RGS7: variants seen among roughly 807,000 people sequenced by gnomAD.
The protein encoded by RGS7 is regulator of G protein signaling 7.
A neutral mutation model predicts 81.1 loss-of-function variants in RGS7; 27 were observed. The ratio of observed to expected loss-of-function variants is 0.33; its 90% CI spans 0.25 to 0.46. RGS7 has a LOEUF of 0.46. Among genes scored for constraint, RGS7 ranks in the 20% least tolerant of loss-of-function variants. RGS7 has a pLI of 1.00. For synonymous variants in RGS7, 208 were observed against 207.7 expected (o/e 1.00, Z -0.01); for missense variants, 396 against 607.4 (o/e 0.65, Z 3.66).
intron 2 of RGS7, among the ~76,000 whole-genome samples, chr1:241,265,786 C>CTT (rs577669455): frequency 6.6e-5 from 6 of 90,232 alleles, no homozygotes; most frequent in South Asian, 4.8e-4. Context: ...TTTCCTCGTC[C>CTT]TTTTTTTTTT....
At chr1:240,929,198 T>C (rs576365202) in intron 6 of RGS7, among the ~76,000 whole-genome samples, 1 of 152,300 alleles carries the variant, frequency 6.6e-6, no homozygotes, top group South Asian at 2.1e-4. Flanking sequence ...TGCCTGGGTT[T>C]TTCTCTATGA....
chr1:240,928,888 G>A (rs942356508), intron 6 of RGS7, among the ~76,000 whole-genome samples: 3 of 152,200 alleles, frequency 2.0e-5, no homozygotes, highest in African/African-American at 7.2e-5. Context: ...TGGGATTATA[G>A]GCGTGAACCA....
chr1:240,954,662 T>C (rs758768457), intron 4 of RGS7, among the ~76,000 whole-genome samples: 1 of 152,140 alleles, frequency 6.6e-6, no homozygotes, highest in African/African-American at 2.4e-5. Flanking sequence ...TGGTAGAAAC[T>C]GGACAGTTTC....
chr1:241,017,566 A>T (rs2059323654), intron 3 of RGS7, among the ~76,000 whole-genome samples: 1 of 149,742 alleles, frequency 6.7e-6, no homozygotes, highest in Non-Finnish European at 1.5e-5. Context: ...CCTTTGAAAC[A>T]TGTTAGCCAG....
In RGS7 at chr1:240,806,132, A is replaced by T; in HGVS notation, c.1269+8T>A. 1 of 1,612,400 alleles carries T rather than the reference A, an allele frequency of 6.2e-7. No homozygotes were observed. Among genetic ancestry groups the T allele is most frequent in the Non-Finnish European group, 8.5e-7 (1 of 1,178,950 alleles). On this transcript the variant is annotated splice_region_variant and intron_variant, in intron 15 of 18. Coordinates refer to ENST00000440928, the MANE Select transcript of RGS7 (RefSeq NM_001364886.1). ...ACGTTTGTGGTGTGAGGCTCACCGT[A>T]CACCCACCTGAGCATCTTCAAATGT...
intron 2 of RGS7, among the ~76,000 whole-genome samples, chr1:241,347,075 T>A (rs1193947192): frequency 6.6e-6 from 1 of 152,144 alleles, no homozygotes; most frequent in East Asian, 1.9e-4. Context: ...AGGAAAAAAT[T>A]TCTATGAAAC....
intron 2 of RGS7, among the ~76,000 whole-genome samples, chr1:241,272,391 G>T (rs1280414363): frequency 3.2e-4 from 48 of 152,144 alleles, no homozygotes; most frequent in Admixed American, 3.1e-3. Flanking sequence ...CCCCTCCCCA[G>T]CTTCCTGCTG....
intron 12 of RGS7, 141 bp downstream of exon 12, chr1:240,814,575 A>G: frequency 1.5e-6 from 1 of 650,670 alleles, no homozygotes; most frequent in African/African-American, 1.8e-5. Flanking sequence ...TCTATGTGCA[A>G]AAAGGAAAAC....
rs1467502972 is a variant in RGS7 at position 240,903,313 on chromosome 1, C to T, written c.385+27404G>A. ...CCATTAGCCACATGTGGCTACAGAG[C>T]ACTTGAAATGTGACTAGGAGATGAA... is the stretch of plus-strand genomic sequence containing the variant. On this transcript the variant is annotated intron_variant, in intron 6 of 18. Transcript: ENST00000440928. Among the ~76,000 whole-genome samples, 3 of 152,052 alleles carry T rather than the reference C, an allele frequency of 2.0e-5. No individual in the cohort carries two copies. The East Asian group carries it at 5.8e-4, about 29-fold the overall frequency.
chr1:241,281,155 A>C (rs1391172160), intron 2 of RGS7, among the ~76,000 whole-genome samples: 6 of 152,254 alleles, frequency 3.9e-5, no homozygotes, highest in Middle Eastern at 3.2e-3. Flanking sequence ...AAGTCTATTA[A>C]AAAGTTGAAA....
At chr1:241,304,742 T>C (rs2079982274) in intron 2 of RGS7, among the ~76,000 whole-genome samples, 1 of 152,246 alleles carries the variant, frequency 6.6e-6, no homozygotes, top group Non-Finnish European at 1.5e-5. Flanking sequence ...TTAATGATAG[T>C]TACTGCGCTG....
chr1:241,101,400 G>A (rs1252962118), intron 2 of RGS7, among the ~76,000 whole-genome samples: 1 of 152,052 alleles, frequency 6.6e-6, no homozygotes, highest in Non-Finnish European at 1.5e-5. Flanking sequence ...GGAGGCTGAG[G>A]CAGGAGAATC....
At chr1:241,135,800 T>C (rs2067467743) in intron 2 of RGS7, among the ~76,000 whole-genome samples, 1 of 152,028 alleles carries the variant, frequency 6.6e-6, no homozygotes, top group South Asian at 2.1e-4. Context: ...TATTTTTTTT[T>C]GAGACAGAGT....
At chr1:240,851,912 GT>G (rs1660179272) in intron 9 of RGS7, among the ~76,000 whole-genome samples, 2 of 152,172 alleles carry the variant, frequency 1.3e-5, no homozygotes, top group Non-Finnish European at 2.9e-5. Flanking sequence ...AGCAAATAAA[GT>G]TGTTTCTTAA....
At chr1:241,270,661 T>A (rs961086338) in intron 2 of RGS7, among the ~76,000 whole-genome samples, 2 of 152,132 alleles carry the variant, frequency 1.3e-5, no homozygotes, top group South Asian at 2.1e-4. Flanking sequence ...TTTTCTTTTC[T>A]CTCTCCAGGG....
rs58976335 is a variant in RGS7, at chr1:241,242,306, G to GTAGATAGATAGATAGATAGA, written c.78+113373_78+113392dup. Among the ~76,000 whole-genome samples, 463 of 147,554 alleles carry GTAGATAGATAGATAGATAGA rather than the reference G, an allele frequency of 3.1e-3. 1 individual carries two copies. Among genetic ancestry groups the GTAGATAGATAGATAGATAGA allele is most frequent in the Middle Eastern group, 6.9e-3 (2 of 288 alleles). ...TTATTCCGTTCCTTTCTATGGATGA[G>GTAGATAGATAGATAGATAGA]TAGATAGATAGATAGATAGATAGAT... On this transcript the variant is annotated intron_variant, in intron 2 of 18. Transcript: ENST00000440928.
intron 18 of RGS7, among the ~76,000 whole-genome samples, chr1:240,796,329 A>T (rs1264926071): frequency 6.6e-6 from 1 of 152,194 alleles, no homozygotes; most frequent in Admixed American, 6.5e-5. Flanking sequence ...TTCTATTTCA[A>T]ATAAGAGGAT....
At chr1:241,224,468 T>C (rs2148017671) in intron 2 of RGS7, among the ~76,000 whole-genome samples, 1 of 152,264 alleles carries the variant, frequency 6.6e-6, no homozygotes, top group Admixed American at 6.5e-5. Flanking sequence ...GGTGTATATG[T>C]GGTACATTTT....
intron 4 of RGS7, among the ~76,000 whole-genome samples, chr1:240,976,425 T>C (rs74490755): frequency 0.041 from 6,296 of 152,328 alleles, 178 homozygotes; most frequent in South Asian, 0.1. Flanking sequence ...TAGGACACTG[T>C]ACCCTGATAT....
Sources: gnomAD v4.1 joint callset for allele counts (sites outside exome capture counted in the v4.1 genomes callset) on GRCh38, gnomAD v4.1.1 for gene constraint, MANE v1.5 for transcripts, NCBI Gene and HGNC (gene_info 2026-07-23, HGNC 2026-07-21) for gene names.